Variants in HMGB1 observed in about 807,000 individuals in gnomAD.
HMGB1 encodes the protein high mobility group protein B1.
For missense variants in HMGB1, 79 were observed against 253.5 expected (o/e 0.31, Z 4.67); for synonymous variants, 81 against 84.0 (o/e 0.96, Z 0.19).
intron 1 of HMGB1, among the ~76,000 whole-genome samples, chr13:30,544,790 C>T (rs1028418456): frequency 1.3e-5 from 2 of 152,234 alleles, no homozygotes; most frequent in African/African-American, 4.8e-5. Flanking sequence ...TGATTTGTAG[C>T]TGGTGGGTCA....
chr13:30,554,398 C>T, intron 1 of HMGB1: 9 of 825,818 alleles, frequency 1.1e-5, no homozygotes, highest in Non-Finnish European at 1.9e-5. Context: ...ATTATATTAA[C>T]ATTAAACAAG....
intron 1 of HMGB1, among the ~76,000 whole-genome samples, chr13:30,592,859 A>G (rs1296927671): frequency 2.0e-5 from 3 of 149,726 alleles, no homozygotes; most frequent in Non-Finnish European, 4.4e-5. Context: ...TTTAAAATTT[A>G]GTGCTTTTTT....
intron 1 of HMGB1, among the ~76,000 whole-genome samples, chr13:30,506,316 T>C (rs539157190): frequency 6.6e-6 from 1 of 152,236 alleles, no homozygotes; most frequent in South Asian, 2.1e-4. Context: ...CATATTCTCC[T>C]CAGTTGTGGA....
At chr13:30,611,965 C>T (rs1472537231) in intron 1 of HMGB1, among the ~76,000 whole-genome samples, 1 of 151,194 alleles carries the variant, frequency 6.6e-6, no homozygotes, top group Non-Finnish European at 1.5e-5. Flanking sequence ...CTATTTAATA[C>T]ATTCTGTTTT....
chr13:30,461,658 A>G, intron 4 of HMGB1, 125 bp from the exon 5 acceptor site: 1 of 1,592,024 alleles, frequency 6.3e-7, no homozygotes, highest in Non-Finnish European at 8.6e-7. Flanking sequence ...ACGTATCTGT[A>G]GATCCACAGC....
At chr13:30,519,512 AG>A (rs1475903667) in intron 1 of HMGB1, among the ~76,000 whole-genome samples, 2 of 148,510 alleles carry the variant, frequency 1.3e-5, no homozygotes, top group Non-Finnish European at 3.0e-5. Flanking sequence ...CGGCTAACAC[AG>A]TGAAACCCTG....
At chr13:30,572,968 G>A (rs1870496547) in intron 1 of HMGB1, among the ~76,000 whole-genome samples, 1 of 152,192 alleles carries the variant, frequency 6.6e-6, no homozygotes, top group African/African-American at 2.4e-5. Flanking sequence ...TCAGTTTTCA[G>A]AATATCTTTT....
At chr13:30,468,064 T>C (rs1008118939), upstream of HMGB1, among the ~76,000 whole-genome samples, 5 of 152,230 alleles carry the variant, frequency 3.3e-5, no homozygotes, top group African/African-American at 4.8e-5. Flanking sequence ...CATGCTTCAA[T>C]TCTCTCAGCT....
At chr13:30,613,213 G>C (rs1026987069) in intron 1 of HMGB1, among the ~76,000 whole-genome samples, 8 of 152,096 alleles carry the variant, frequency 5.3e-5, no homozygotes, top group African/African-American at 1.9e-4. Flanking sequence ...CTGAGTAGCT[G>C]GGATTACAGG....
At chr13:30,547,661 C>G (rs1459543450) in intron 1 of HMGB1, among the ~76,000 whole-genome samples, 2 of 151,562 alleles carry the variant, frequency 1.3e-5, no homozygotes, top group African/African-American at 2.4e-5. Context: ...TGGCTAGGCA[C>G]AGTGGCTCAC....
intron 1 of HMGB1, among the ~76,000 whole-genome samples, chr13:30,584,330 C>T (rs933495281): frequency 1.2e-4 from 19 of 152,204 alleles, no homozygotes; most frequent in African/African-American, 4.6e-4. Context: ...GAATCTCCTC[C>T]ACCCATTATA....
chr13:30,464,738 A>G (rs1465170402), intron 1 of HMGB1: 2 of 567,140 alleles, frequency 3.5e-6, no homozygotes, highest in African/African-American at 4.1e-5. Flanking sequence ...GGCGAGCGCG[A>G]GCGAGAATAT....
chr13:30,542,723 G>T, intron 1 of HMGB1: 2 of 221,938 alleles, frequency 9.0e-6, no homozygotes, highest in East Asian at 1.1e-4. Flanking sequence ...TTCCTCATCC[G>T]CCTCATCAGA....
rs76772222 is a variant in HMGB1 at position 30,604,507 on chromosome 13, A to G, written c.-15+12164T>C. Among the ~76,000 whole-genome samples the G allele has an allele frequency of 4.4e-4, 67 of 152,282 alleles. 1 individual carries two copies. The East Asian group carries it at 0.011, about 26-fold the overall frequency. ...CTAGGGATGCTACTAAACATCCTAC[A>G]ATGCACAAGACAGCCCTTCCCCCAA... On this transcript the variant is annotated intron_variant, in intron 1 of 4. Coordinates refer to the HMGB1 transcript ENST00000405805.
At chr13:30,474,962 T>C (rs1887044156) in intron 1 of HMGB1, among the ~76,000 whole-genome samples, 1 of 72,166 alleles carries the variant, frequency 1.4e-5, no homozygotes, top group Admixed American at 1.6e-4. Flanking sequence ...TTTTTTTGTT[T>C]TTTTTTTTTT....
chr13:30,511,270 G>A (rs1299312081), intron 1 of HMGB1, among the ~76,000 whole-genome samples: 1 of 152,168 alleles, frequency 6.6e-6, no homozygotes, highest in Non-Finnish European at 1.5e-5. Flanking sequence ...ATGTTGAAAT[G>A]TCATCCCCAA....
In HMGB1 at chr13:30,538,560, TTTC is replaced by T. The variant is rs202080509; in HGVS notation, c.-14-74869_-14-74867del. On this transcript the variant is annotated intron_variant, in intron 1 of 4. Coordinates refer to the HMGB1 transcript ENST00000405805. The stretch of plus-strand genomic sequence containing the variant: ...TCCTTTCTTTCTTTCTTTCTTTTTC[TTTC>T]TTCTTTTTCTTTCTTTCTTTCTTTT... Among the ~76,000 whole-genome samples the T allele has an allele frequency of 1.2e-3, 147 of 120,884 alleles. 20 individuals carry two copies. The highest frequency in any genetic ancestry group is 6.3e-3 in the African/African-American group (131 of 20,796). 79.3% of individuals were successfully genotyped at this position (120,884 alleles called of 152,430 possible).
chr13:30,562,724 AAC>A (rs1461704067), intron 1 of HMGB1, among the ~76,000 whole-genome samples: 1 of 152,216 alleles, frequency 6.6e-6, no homozygotes, highest in Non-Finnish European at 1.5e-5. Context: ...GGGCATGGCC[AAC>A]ACATCTGAAG....
At chr13:30,503,951 A>G (rs1247988989) in intron 1 of HMGB1, among the ~76,000 whole-genome samples, 2 of 152,054 alleles carry the variant, frequency 1.3e-5, no homozygotes, top group Non-Finnish European at 2.9e-5. Flanking sequence ...AGACATACAT[A>G]CATACCTACA....
Sources: allele counts gnomAD v4.1 joint callset (sites outside exome capture counted in the v4.1 genomes callset), GRCh38; gene constraint gnomAD v4.1.1; transcripts MANE v1.5; gene names NCBI Gene and HGNC (gene_info 2026-07-23, HGNC 2026-07-21).